The following FGF12 variants were observed in gnomAD, a reference collection of about 807,000 sequenced individuals.
FGF12 encodes the protein fibroblast growth factor 12.
In FGF12, 14 loss-of-function variants were observed where a neutral mutation model predicts 23.6. The ratio of observed to expected loss-of-function variants is 0.59; its 90% CI spans 0.39 to 0.93. FGF12 has a LOEUF of 0.93. Ranked by LOEUF, FGF12 falls within the 40% of genes least tolerant of loss-of-function variation. The pLI is 0.00. For missense variants in FGF12, 175 were observed against 217.8 expected, an observed-to-expected ratio of 0.80 and a Z score of 1.24; for synonymous variants, 62 against 77.3, an observed-to-expected ratio of 0.80 and a Z score of 1.04.
chr3:192,623,979 C>T (rs1715066422), intron 2 of FGF12, among the ~76,000 whole-genome samples: 1 of 152,158 alleles, frequency 6.6e-6, no homozygotes, highest in South Asian at 2.1e-4. Flanking sequence ...TAGGTTATCA[C>T]AGGATGTGAC....
At chr3:192,647,126 C>A (rs1012487868) in intron 2 of FGF12, among the ~76,000 whole-genome samples, 2 of 152,098 alleles carry the variant, frequency 1.3e-5, no homozygotes, top group South Asian at 4.1e-4. Flanking sequence ...AAAACGCTTT[C>A]AGTAATCCAT....
chr3:192,191,189 T>C (rs1716771790), intron 4 of FGF12, among the ~76,000 whole-genome samples: 1 of 152,072 alleles, frequency 6.6e-6, no homozygotes, highest in East Asian at 1.9e-4. Context: ...ATGAGGACAA[T>C]AGAAAGATCA....
intron 4 of FGF12, among the ~76,000 whole-genome samples, chr3:192,211,836 A>G (rs1040025026): frequency 2.6e-5 from 4 of 152,224 alleles, no homozygotes; most frequent in African/African-American, 7.2e-5. Flanking sequence ...TTTAAAAAAG[A>G]CATAATACAA....
intron 2 of FGF12, among the ~76,000 whole-genome samples, chr3:192,449,673 C>G (rs1722464209): frequency 6.6e-6 from 1 of 152,192 alleles, no homozygotes; most frequent in Admixed American, 6.5e-5. Context: ...AGCACTGACT[C>G]TGGCAACTCT....
Position 192,336,696 on chromosome 3 carries a change from A to G in FGF12, c.125-1232T>C, listed in dbSNP as rs1717433621. On this transcript the variant is annotated intron_variant, in intron 3 of 5. Coordinates refer to ENST00000445105, the MANE Select transcript of FGF12 (RefSeq NM_004113.6). The surrounding 1 kb of genome is among the most constrained non-coding windows in gnomAD (Gnocchi z 4.3). ...AGTTCTCGTCTTCTTAGTTTTTAAT[A>G]CAAGATACACATAAATTAACCCAAG... is the stretch of plus-strand genomic sequence containing the variant. 6.6e-6 allele frequency among the ~76,000 whole-genome samples: 1 copy of G among 152,126 alleles called. No individual in the cohort carries two copies. Among genetic ancestry groups the G allele is most frequent in the Non-Finnish European group, 1.5e-5 (1 of 68,014 alleles).
chr3:192,698,013 G>T (rs115349000), intron 2 of FGF12, among the ~76,000 whole-genome samples: 6,190 of 150,602 alleles, frequency 0.041, 447 homozygotes, highest in African/African-American at 0.14. Context: ...CATGATACTT[G>T]CCAACATCTG....
intron 4 of FGF12, among the ~76,000 whole-genome samples, chr3:192,329,714 C>G (rs1255055291): frequency 6.6e-6 from 1 of 152,072 alleles, no homozygotes; most frequent in Non-Finnish European, 1.5e-5. Flanking sequence ...TTGTCAAAAA[C>G]TTTTAAAACT....
At chr3:192,521,369 C>T (rs147660881) in intron 2 of FGF12, 12 of 152,228 alleles carry the variant, frequency 7.9e-5, no homozygotes, top group African/African-American at 2.4e-4. Context: ...TGAATAAACA[C>T]GAGCTCGTTA....
chr3:192,674,793 T>A (rs1009984513), intron 2 of FGF12, among the ~76,000 whole-genome samples: 2 of 152,184 alleles, frequency 1.3e-5, no homozygotes, highest in Non-Finnish European at 2.9e-5. Flanking sequence ...GAAAATGTAC[T>A]CTAAACTAGG....
Position 192,200,260 on chromosome 3 carries a change from C to G in FGF12, c.229-29604G>C, listed in dbSNP as rs1319644. Among the ~76,000 whole-genome samples the G allele has an allele frequency of 4.1e-3, 615 of 151,694 alleles. 3 individuals carry two copies. Among genetic ancestry groups the G allele is most frequent in the Non-Finnish European group, 7.5e-3 (507 of 67,936 alleles). ...AGGAGAATTGCTTGAACCCAGGAGG[C>G]AGAAGTTGCAGTGAGCCGAGATTGT... On this transcript the variant is annotated intron_variant, in intron 4 of 5. Transcript: ENST00000445105.
intron 2 of FGF12, among the ~76,000 whole-genome samples, chr3:192,374,677 T>A (rs986741250): frequency 6.6e-6 from 1 of 152,196 alleles, no homozygotes; most frequent in Non-Finnish European, 1.5e-5. Flanking sequence ...ATTAGCTCTA[T>A]GAAGTTAGTA....
chr3:192,719,802 A>C (rs10558412), intron 2 of FGF12, among the ~76,000 whole-genome samples: 56,348 of 138,786 alleles, frequency 0.41, 11,522 homozygotes, highest in South Asian at 0.6. Flanking sequence ...AAAAAAAAAA[A>C]AAGAAAAACA....
rs538500145 is a variant in FGF12, at chr3:192,459,391, C to G, written c.14-98853G>C. Among the ~76,000 whole-genome samples, 20 of 152,206 alleles carry G rather than the reference C, an allele frequency of 1.3e-4. No homozygotes were observed. The East Asian group carries it at 3.9e-3, about 29-fold the overall frequency. ...TTCTCTTTCATTTCAAAAGAATTGC[C>G]TGGTATTTAGGAGACATAAGTTGGT... On this transcript the variant is annotated intron_variant, in intron 2 of 5. Coordinates refer to ENST00000445105, the MANE Select transcript of FGF12 (RefSeq NM_004113.6).
chr3:192,525,908 G>C (rs1724934869), intron 2 of FGF12, among the ~76,000 whole-genome samples: 1 of 152,186 alleles, frequency 6.6e-6, no homozygotes, highest in African/African-American at 2.4e-5. Context: ...CTGAGTAGCT[G>C]GGACTACAGG....
chr3:192,357,492 A>AG (rs1396394830), intron 3 of FGF12, among the ~76,000 whole-genome samples: 1 of 152,104 alleles, frequency 6.6e-6, no homozygotes, highest in African/African-American at 2.4e-5. Flanking sequence ...AAAAGAAAAA[A>AG]AAAAATGTGG....
chr3:192,188,974 CTCTG>C (rs1305618766), intron 4 of FGF12, among the ~76,000 whole-genome samples: 5 of 152,288 alleles, frequency 3.3e-5, no homozygotes, highest in Non-Finnish European at 5.9e-5. Context: ...ATCTTCATTC[CTCTG>C]TCTAAGAATT....
intron 3 of FGF12, among the ~76,000 whole-genome samples, chr3:192,341,623 C>G (rs1454358723): frequency 6.6e-6 from 1 of 151,860 alleles, no homozygotes; most frequent in African/African-American, 2.4e-5. Context: ...GCTTTAGGAC[C>G]TACAAAACCT....
intron 4 of FGF12, among the ~76,000 whole-genome samples, chr3:192,216,163 G>C (rs1718182979): frequency 6.6e-6 from 1 of 152,152 alleles, no homozygotes; most frequent in South Asian, 2.1e-4. Context: ...TATATTCAAT[G>C]ACAGAAAAAC....
intron 2 of FGF12, among the ~76,000 whole-genome samples, chr3:192,565,793 G>A (rs1289045933): frequency 6.6e-6 from 1 of 152,062 alleles, no homozygotes; most frequent in Admixed American, 6.5e-5. Flanking sequence ...GTCATTAAGA[G>A]ACGCATGACT....
Sources: gnomAD v4.1 joint callset for allele counts (sites outside exome capture counted in the v4.1 genomes callset) on GRCh38, gnomAD v4.1.1 for gene constraint, Gnocchi (gnomAD v3.1) non-coding constraint, MANE v1.5 for transcripts, NCBI Gene and HGNC (gene_info 2026-07-23, HGNC 2026-07-21) for gene names.